Variants in SYTL4 observed in about 807,000 individuals in gnomAD.
The protein encoded by SYTL4 is synaptotagmin like 4.
SYTL4 carries 16 observed loss-of-function variants against 52.7 expected under a neutral mutation model. That is an observed-to-expected ratio of 0.30 (90% confidence interval 0.21 to 0.46). The LOEUF is 0.46. Among genes scored for constraint, SYTL4 ranks in the 20% least tolerant of loss-of-function variants. The pLI is 1.00. For missense variants in SYTL4, 423 were observed against 519.9 expected, an observed-to-expected ratio of 0.81 and a Z score of 1.81; for synonymous variants, 160 against 186.6, an observed-to-expected ratio of 0.86 and a Z score of 1.16.
At chrX:100,693,574 A>G (rs989805714) in intron 8 of SYTL4, among the ~76,000 whole-genome samples, 1 of 111,823 alleles carries the variant, frequency 8.9e-6, no homozygotes, top group Non-Finnish European at 1.9e-5. Context: ...TAGCCTCCTA[A>G]CTAATCCTGC....
intron 8 of SYTL4, among the ~76,000 whole-genome samples, chrX:100,699,398 GA>G (rs780125378): frequency 8.8e-5 from 5 of 56,911 alleles, no homozygotes; most frequent in African/African-American, 3.3e-4. Context: ...GAAAAGAAAA[GA>G]AAAAAGAAAA....
At chrX:100,723,244 C>G (rs780094420) in intron 2 of SYTL4, among the ~76,000 whole-genome samples, 2 of 111,825 alleles carry the variant, frequency 1.8e-5, no homozygotes, top group East Asian at 2.8e-4. Context: ...CTCAGCCTGC[C>G]GAGTGCCTGC....
At chrX:100,723,773 G>A (rs1281797950) in intron 2 of SYTL4, among the ~76,000 whole-genome samples, 10 of 102,430 alleles carry the variant, frequency 9.8e-5, no homozygotes, top group African/African-American at 2.9e-4. Context: ...CCCGGCAGCC[G>A]CACCGTCTGA....
intron 4 of SYTL4, among the ~76,000 whole-genome samples, chrX:100,702,546 A>G (rs1302875555): frequency 6.2e-5 from 7 of 112,367 alleles, no homozygotes; most frequent in Admixed American, 1.9e-4. Flanking sequence ...CCAGTTGTCT[A>G]TTCCTAACCA....
chrX:100,698,246 G>GCA (rs2083750585), intron 8 of SYTL4, among the ~76,000 whole-genome samples: 1 of 109,656 alleles, frequency 9.1e-6, no homozygotes, highest in Non-Finnish European at 1.9e-5. Context: ...GGGACTACAG[G>GCA]CGCCTGCCAC....
intron 8 of SYTL4, among the ~76,000 whole-genome samples, chrX:100,698,161 G>T (rs1196095232): frequency 4.5e-5 from 5 of 110,723 alleles, no homozygotes; most frequent in Admixed American, 9.5e-5. Flanking sequence ...GGAGTGCAGT[G>T]GAGCAATCTT....
chrX:100,726,350 C>T (rs1052012224), intron 2 of SYTL4, among the ~76,000 whole-genome samples: 6 of 111,114 alleles, frequency 5.4e-5, no homozygotes, highest in African/African-American at 2.0e-4. Flanking sequence ...TAAAGAACTC[C>T]TCTTTTCGTC....
At chrX:100,716,486 T>TAAAAA in intron 2 of SYTL4, among the ~76,000 whole-genome samples, 4 of 50,358 alleles carry the variant, frequency 7.9e-5, no homozygotes, top group East Asian at 7.0e-4. Flanking sequence ...AAAAAAAAAG[T>TAAAAA]TGATTTTAGA....
Position 100,691,294 on chromosome X carries a change from G to A in SYTL4, c.540-85C>T, listed in dbSNP as rs945774583. On this transcript the variant is annotated intron_variant, in intron 8 of 19. Transcript: ENST00000372989. The stretch of plus-strand genomic sequence containing the variant: ...GCCTCTTTCCAATCCATTCACAATC[G>A]TAGCCTGAGTGATCTTTCTAAAATA... 2.2e-5 allele frequency: 13 copies of A among 587,698 alleles called. No individual in the cohort carries two copies. The African/African-American group carries it at 2.7e-4, about 12-fold the overall frequency. 48.4% of individuals were successfully genotyped at this position (587,698 alleles called of 1,213,427 possible). A position where few individuals can be genotyped will look rare whatever the true frequency, so the allele number is the denominator to read the frequency against.
At chrX:100,702,867 G>A (rs2147769228) in intron 4 of SYTL4, among the ~76,000 whole-genome samples, 1 of 111,450 alleles carries the variant, frequency 9.0e-6, no homozygotes, top group East Asian at 2.8e-4. Context: ...TAAATTAAGT[G>A]CTATGAGAAC....
intron 2 of SYTL4, among the ~76,000 whole-genome samples, chrX:100,718,786 G>A (rs2147816197): frequency 9.9e-6 from 1 of 100,986 alleles, no homozygotes; most frequent in South Asian, 5.1e-4. Context: ...GAGGCATTTT[G>A]TGCTTTTCAC....
At chrX:100,728,225 T>G (rs981895363) in intron 2 of SYTL4, among the ~76,000 whole-genome samples, 2 of 112,487 alleles carry the variant, frequency 1.8e-5, no homozygotes, top group Non-Finnish European at 3.8e-5. Context: ...TAACATATAT[T>G]AAATGATGAG....
At position 100,694,848 on chromosome X, in the gene SYTL4, T is replaced by C. The variant is rs17329140; in HGVS notation, c.540-3639A>G. 0.02 allele frequency among the ~76,000 whole-genome samples: 2,202 copies of C among 111,988 alleles called. 95 individuals carry two copies. The East Asian group carries it at 0.25, about 13-fold the overall frequency. On this transcript the variant is annotated intron_variant, in intron 8 of 19. Transcript: ENST00000372989. ...AGAATAAACTCTCCAAGTTGTCACATGATGTTTGACAGTTCTGTGAAAACA... is the reference window on the plus strand; with the variant it reads ...AGAATAAACTCTCCAAGTTGTCACACGATGTTTGACAGTTCTGTGAAAACA...
chrX:100,698,779 G>A (rs2083770732), intron 8 of SYTL4, among the ~76,000 whole-genome samples: 1 of 111,719 alleles, frequency 9.0e-6, no homozygotes, highest in African/African-American at 3.3e-5. Flanking sequence ...GAGAAGTTGT[G>A]GTATAAGGCC....
chrX:100,687,372 T>C, intron 13 of SYTL4, 127 bp from the exon 14 acceptor site: 1 of 557,726 alleles, frequency 1.8e-6, no homozygotes. Flanking sequence ...AATAAGCCAG[T>C]GCTGCTGACA....
chrX:100,701,592 G>C lies in SYTL4; in HGVS notation c.192C>G (p.Ala64=). Residue 64 remains alanine, a synonymous_variant, in exon 6 of 20, where the codon GCC becomes GCG. Transcript: ENST00000372989. ...GSQHYSDRTC[A]RCQESLGRLS... ...AACGGCCCAGGCTCTCCTGGCACCG[G>C]GCACAGGTCCGATCACTGTAGTGTT... The C allele has an allele frequency of 8.3e-7, 1 of 1,211,631 alleles. No individual in the cohort carries two copies. Among genetic ancestry groups the C allele is most frequent in the Non-Finnish European group, 1.1e-6 (1 of 895,430 alleles).
rs1309828531 is a variant in SYTL4, at chrX:100,724,308, C to T, written c.-240+7110G>A. 3.8e-5 allele frequency among the ~76,000 whole-genome samples: 4 copies of T among 104,654 alleles called. No homozygotes were observed. In the East Asian group the frequency reaches 9.3e-4, roughly 24 times the overall value. The allele number at this position is 104,654 out of a possible 115,157, so 90.9% of individuals were successfully genotyped here. A position where few individuals can be genotyped will look rare whatever the true frequency, so the allele number is the denominator to read the frequency against. ...CCGGGAGGTGAGGGGCGCCTCTGCC[C>T]GGCCGCCCCTACTGGGAAGTGAGGA... On this transcript the variant is annotated intron_variant, in intron 2 of 19. Coordinates refer to ENST00000372989, the MANE Select transcript of SYTL4 (RefSeq NM_001370165.1).
chrX:100,692,143 C>T (rs187070570), intron 8 of SYTL4, among the ~76,000 whole-genome samples: 1 of 111,660 alleles, frequency 9.0e-6, no homozygotes, highest in East Asian at 2.8e-4. Flanking sequence ...TATGTCAATT[C>T]CTCCAGATCT....
At position 100,701,961 on chromosome X, in the gene SYTL4, T is replaced by A; in HGVS notation, c.77A>T (p.Glu26Val). ...DLILSVLQRDEEVRKADEKRI... is the reference protein window; with the variant it reads ...DLILSVLQRDVEVRKADEKRI... ...TTTCTCATCTGCTTTCCGGACCTCT[T>A]CATCTCGCTGTAGAACACTGAGAAT... is the stretch of plus-strand genomic sequence containing the variant. Residue 26 changes from glutamate to valine, a missense_variant, in exon 5 of 20, where the codon GAA becomes GTA. Coordinates refer to ENST00000372989, the MANE Select transcript of SYTL4 (RefSeq NM_001370165.1). The A allele has an allele frequency of 3.3e-6, 4 of 1,210,353 alleles. No individual in the cohort carries two copies. Among genetic ancestry groups the A allele is most frequent in the Non-Finnish European group, 4.5e-6 (4 of 894,578 alleles).
Sources: gnomAD v4.1 joint callset for allele counts (sites outside exome capture counted in the v4.1 genomes callset) on GRCh38, gnomAD v4.1.1 for gene constraint, MANE v1.5 for transcripts, NCBI Gene and HGNC (gene_info 2026-07-23, HGNC 2026-07-21) for gene names.